The following LRRC7 variants were observed in gnomAD, a reference collection of about 807,000 sequenced individuals.
The protein encoded by LRRC7 is leucine rich repeat containing 7.
A neutral mutation model predicts 175.7 loss-of-function variants in LRRC7; 23 were observed. That is an observed-to-expected ratio of 0.13 (90% CI 0.09 to 0.19). The LOEUF is 0.19. Ranked by LOEUF, LRRC7 falls within the 10% of genes least tolerant of loss-of-function variation. The pLI, the probability that LRRC7 is intolerant of heterozygous loss-of-function variation, is 1.00. For missense variants in LRRC7, 1,354 were observed against 1,904.7 expected (o/e 0.71, Z 5.38); for synonymous variants, 685 against 680.9 (o/e 1.01, Z -0.09).
At position 70,132,885 on chromosome 1, in the gene LRRC7, T is replaced by A. The variant is rs888292600; in HGVS notation, c.*10998T>A. 2.0e-5 allele frequency among the ~76,000 whole-genome samples: 3 copies of A among 152,086 alleles called. No homozygotes were observed. The highest frequency in any genetic ancestry group is 6.5e-5 in the Admixed American group (1 of 15,274). ...AAGACAGAAAGGGACCTTGAGAGGA[T>A]CTGGTTCATTTGTCTATCTTCAGGG... On this transcript the variant is annotated 3_prime_UTR_variant, in exon 27 of 27. Coordinates refer to ENST00000651989, the MANE Select transcript of LRRC7 (RefSeq NM_001370785.2).
chr1:69,815,531 T>C (rs952463853), intron 4 of LRRC7, among the ~76,000 whole-genome samples: 2 of 152,192 alleles, frequency 1.3e-5, no homozygotes, highest in African/African-American at 4.8e-5. Context: ...GGGATCCCAA[T>C]GTGCAGCACA....
intron 1 of LRRC7, among the ~76,000 whole-genome samples, chr1:69,653,244 A>C (rs1325645190): frequency 1.3e-5 from 2 of 151,324 alleles, no homozygotes; most frequent in Non-Finnish European, 2.9e-5. Context: ...ATTCAAAAAC[A>C]AAATAACCCA....
At chr1:69,998,958 T>G (rs1462402594) in intron 11 of LRRC7, among the ~76,000 whole-genome samples, 1 of 152,190 alleles carries the variant, frequency 6.6e-6, no homozygotes, top group Non-Finnish European at 1.5e-5. Flanking sequence ...TTCCTGCCTC[T>G]GACCTTCACC....
chr1:70,056,566 C>T (rs537944643), intron 23 of LRRC7, among the ~76,000 whole-genome samples: 4 of 152,156 alleles, frequency 2.6e-5, no homozygotes, highest in East Asian at 1.9e-4. Context: ...CTACCAATGG[C>T]GATTGGTAAT....
intron 2 of LRRC7, among the ~76,000 whole-genome samples, chr1:69,757,325 T>C (rs1670541735): frequency 6.6e-6 from 1 of 151,928 alleles, no homozygotes; most frequent in African/African-American, 2.4e-5. Context: ...TGCTCTGCTT[T>C]TAAAGGCTAT....
chr1:69,785,765 A>G (rs1674338098), intron 3 of LRRC7, among the ~76,000 whole-genome samples: 1 of 152,092 alleles, frequency 6.6e-6, no homozygotes, highest in South Asian at 2.1e-4. Flanking sequence ...CTCCCAAACA[A>G]TGAAAAAATC....
In LRRC7 at chr1:70,133,402, G is replaced by A. The variant is rs1462307021; in HGVS notation, c.*11515G>A. On this transcript the variant is annotated 3_prime_UTR_variant, in exon 27 of 27. Coordinates refer to ENST00000651989, the MANE Select transcript of LRRC7 (RefSeq NM_001370785.2). ...CGCCCGGCTAATTTTTGTATTTTTA[G>A]TAAAGACAGGTTTTCTCCATGTTGC... Among the ~76,000 whole-genome samples the A allele has an allele frequency of 6.6e-6, 1 of 152,022 alleles. No individual in the cohort carries two copies. Among genetic ancestry groups the A allele is most frequent in the African/African-American group, 2.4e-5 (1 of 41,380 alleles).
intron 11 of LRRC7, among the ~76,000 whole-genome samples, chr1:70,003,920 A>G (rs577058866): frequency 1.3e-5 from 2 of 152,200 alleles, no homozygotes; most frequent in Non-Finnish European, 2.9e-5. Flanking sequence ...TCACTAAAAA[A>G]TACTTTAAAC....
chr1:69,921,606 A>G (rs773870006), intron 7 of LRRC7, among the ~76,000 whole-genome samples: 1 of 152,162 alleles, frequency 6.6e-6, no homozygotes, highest in Admixed American at 6.5e-5. Context: ...CACATTATTC[A>G]TATTGCCATT....
intron 4 of LRRC7, among the ~76,000 whole-genome samples, chr1:69,793,069 C>A (rs1395542948): frequency 6.6e-6 from 1 of 152,018 alleles, no homozygotes; most frequent in African/African-American, 2.4e-5. Flanking sequence ...ACAAGTAGTG[C>A]TTTGGTTATT....
At chr1:69,697,451 A>T (rs1662752749) in intron 2 of LRRC7, among the ~76,000 whole-genome samples, 1 of 152,174 alleles carries the variant, frequency 6.6e-6, no homozygotes, top group Non-Finnish European at 1.5e-5. Flanking sequence ...TTTTAATCAG[A>T]TTCACTACCC....
At chr1:70,024,545 A>G (rs1411474288) in intron 17 of LRRC7, among the ~76,000 whole-genome samples, 3 of 152,078 alleles carry the variant, frequency 2.0e-5, no homozygotes, top group Non-Finnish European at 4.4e-5. Context: ...AATAAAATGT[A>G]TATGTGAACT....
chr1:69,622,307 C>T (rs953956295), intron 1 of LRRC7, among the ~76,000 whole-genome samples: 72 of 152,284 alleles, frequency 4.7e-4, no homozygotes, highest in African/African-American at 1.5e-3. Flanking sequence ...ATGTGGCTTA[C>T]ACTTTCATTT....
At chr1:69,750,093 T>TAAATAAATAAATAAAA (rs139997047) in intron 2 of LRRC7, among the ~76,000 whole-genome samples, 6 of 142,274 alleles carry the variant, frequency 4.2e-5, no homozygotes, top group East Asian at 4.2e-4. Context: ...AATAAATAAA[T>TAAATAAATAAATAAAA]AATAATAACT....
chr1:69,725,554 T>A (rs1034895022), intron 2 of LRRC7, among the ~76,000 whole-genome samples: 6 of 152,136 alleles, frequency 3.9e-5, no homozygotes, highest in African/African-American at 1.4e-4. Flanking sequence ...ATCTAAAGAA[T>A]GAAATTGATG....
rs1667211279 is a variant in LRRC7 at position 70,144,227 on chromosome 1, A to G, written c.*22340A>G. ...TGTACAGATACAAAATACAGGGACTAAAATAATGCTGTGCAGTGTATAGCA... is the reference window on the plus strand; with the variant it reads ...TGTACAGATACAAAATACAGGGACTGAAATAATGCTGTGCAGTGTATAGCA... On this transcript the variant is annotated 3_prime_UTR_variant, in exon 27 of 27. Coordinates refer to ENST00000651989, the MANE Select transcript of LRRC7 (RefSeq NM_001370785.2). The G allele has an allele frequency of 6.6e-6, 1 of 152,218 alleles. No individual in the cohort carries two copies. Among genetic ancestry groups the G allele is most frequent in the Admixed American group, 6.5e-5 (1 of 15,282 alleles). The allele number at this position is 152,218 out of a possible 1,614,324, so 9.4% of individuals were successfully genotyped here.
chr1:69,925,813 T>C (rs1427830427), intron 7 of LRRC7, among the ~76,000 whole-genome samples: 1 of 149,014 alleles, frequency 6.7e-6, no homozygotes, highest in Non-Finnish European at 1.5e-5. Flanking sequence ...AGTTCTGCTC[T>C]GATTTTAGTT....
chr1:69,868,097 G>A (rs1685129473), intron 7 of LRRC7, among the ~76,000 whole-genome samples: 1 of 152,040 alleles, frequency 6.6e-6, no homozygotes, highest in South Asian at 2.1e-4. Flanking sequence ...GGTTATAGAA[G>A]TATAATTAGA....
intron 1 of LRRC7, among the ~76,000 whole-genome samples, chr1:69,588,985 C>CTGTGTGTGTGTGTGTGTGTG (rs138325158): frequency 3.2e-4 from 42 of 131,156 alleles, no homozygotes; most frequent in South Asian, 5.2e-4. Context: ...CTGCTGGGGT[C>CTGTGTGTGTGTGTGTGTGTG]TGTGTGTGTG....
Sources: gnomAD v4.1 joint callset for allele counts (sites outside exome capture counted in the v4.1 genomes callset) on GRCh38, gnomAD v4.1.1 for gene constraint, MANE v1.5 for transcripts, NCBI Gene and HGNC (gene_info 2026-07-23, HGNC 2026-07-21) for gene names.